GTF2E2: variants seen among roughly 807,000 people sequenced by gnomAD.
GTF2E2 encodes the protein transcription initiation factor IIE subunit beta.
GTF2E2 carries 21 observed loss-of-function variants against 40.5 expected under a neutral mutation model. The ratio of observed to expected loss-of-function variants is 0.52; its 90% CI spans 0.37 to 0.75. The LOEUF (loss-of-function observed/expected upper bound fraction) is 0.75, where lower values mean the gene tolerates loss of function less well. GTF2E2 is among the 30% of genes least tolerant of loss of function. The pLI is 0.00. For synonymous variants in GTF2E2, 117 were observed against 121.6 expected, an observed-to-expected ratio of 0.96 and a Z score of 0.25; for missense variants, 298 against 338.4, an observed-to-expected ratio of 0.88 and a Z score of 0.94.
chr8:30,606,850 T>C (rs1202759644), intron 6 of GTF2E2, among the ~76,000 whole-genome samples: 1 of 152,160 alleles, frequency 6.6e-6, no homozygotes, highest in Non-Finnish European at 1.5e-5. Context: ...TAAGTATAAT[T>C]AACCTAAAAT....
chr8:30,628,787 C>T (rs976033430), intron 3 of GTF2E2, among the ~76,000 whole-genome samples: 3 of 151,918 alleles, frequency 2.0e-5, no homozygotes, highest in African/African-American at 4.8e-5. Flanking sequence ...AAAAATTAGC[C>T]GGGTGTGGTG....
intron 3 of GTF2E2, among the ~76,000 whole-genome samples, chr8:30,619,714 T>A (rs765143720): frequency 6.6e-5 from 10 of 151,726 alleles, no homozygotes; most frequent in Non-Finnish European, 1.3e-4. Flanking sequence ...AAAATGGGAG[T>A]TTACTAGCCA....
chr8:30,651,109 TA>T lies in GTF2E2; in HGVS notation c.166+2323del, dbSNP rs796676546. Among the ~76,000 whole-genome samples, 13 of 151,742 alleles carry T rather than the reference TA, an allele frequency of 8.6e-5. No individual in the cohort carries two copies. In the South Asian group the frequency reaches 2.5e-3, roughly 29 times the overall value. The stretch of plus-strand genomic sequence containing the variant: ...CAAAAACCTGCAGTAATATCATGCG[TA>T]AGAGTGAAAAACCGAATGCTTTGCC... On this transcript the variant is annotated intron_variant, in intron 2 of 7. Transcript: ENST00000355904.
intron 6 of GTF2E2, among the ~76,000 whole-genome samples, chr8:30,587,082 A>G (rs1343453441): frequency 1.3e-5 from 2 of 152,222 alleles, no homozygotes; most frequent in Non-Finnish European, 2.9e-5. Context: ...CTGGGAGAAT[A>G]TATTTGCAAG....
chr8:30,607,870 A>C (rs1437249949), intron 5 of GTF2E2, among the ~76,000 whole-genome samples: 1 of 152,172 alleles, frequency 6.6e-6, no homozygotes, highest in Non-Finnish European at 1.5e-5. Context: ...TAAAACGCTA[A>C]AATAATAAGA....
intron 2 of GTF2E2, among the ~76,000 whole-genome samples, chr8:30,651,994 G>T (rs78371092): frequency 0.058 from 8,857 of 152,240 alleles, 377 homozygotes; most frequent in South Asian, 0.1. Context: ...TTCAAAAAAT[G>T]ATGCTGGGAC....
chr8:30,617,003 G>C (rs1244110827), intron 3 of GTF2E2, among the ~76,000 whole-genome samples: 1 of 152,060 alleles, frequency 6.6e-6, no homozygotes, highest in Non-Finnish European at 1.5e-5. Flanking sequence ...CAAGAGGGGA[G>C]AAAATGAGTA....
chr8:30,624,705 T>C (rs1043337411), intron 3 of GTF2E2, among the ~76,000 whole-genome samples: 3 of 152,040 alleles, frequency 2.0e-5, no homozygotes, highest in African/African-American at 4.8e-5. Flanking sequence ...TGGTTTGTAG[T>C]TCTCCTTGAA....
chr8:30,649,072 T>C (rs187248473), intron 2 of GTF2E2, among the ~76,000 whole-genome samples: 6 of 152,308 alleles, frequency 3.9e-5, no homozygotes, highest in African/African-American at 1.4e-4. Context: ...GCTATGTTAA[T>C]GTTTAAAACA....
chr8:30,594,554 TA>T (rs1191425204), intron 6 of GTF2E2, among the ~76,000 whole-genome samples: 1,330 of 132,880 alleles, frequency 0.01, 7 homozygotes, highest in African/African-American at 0.017. Flanking sequence ...AATGGATCTT[TA>T]AAAAAAAAAA....
intron 5 of GTF2E2, among the ~76,000 whole-genome samples, chr8:30,611,046 G>A (rs908296699): frequency 3.3e-5 from 5 of 152,206 alleles, no homozygotes; most frequent in African/African-American, 9.7e-5. Context: ...CAACATGGAT[G>A]AACCTTGAGA....
intron 6 of GTF2E2, among the ~76,000 whole-genome samples, chr8:30,583,536 C>A (rs1828573464): frequency 6.6e-6 from 1 of 151,970 alleles, no homozygotes; most frequent in Non-Finnish European, 1.5e-5. Flanking sequence ...CATACCACCA[C>A]ACCAGGCTAA....
At chr8:30,612,240 A>G (rs1829495561) in intron 5 of GTF2E2, 59 bp downstream of exon 5, 1 of 1,084,964 alleles carries the variant, frequency 9.2e-7, no homozygotes, top group Non-Finnish European at 1.4e-6. Context: ...TATTTTTAAA[A>G]CCAAGAAGTC....
At chr8:30,621,807 T>G (rs1000212560) in intron 3 of GTF2E2, among the ~76,000 whole-genome samples, 1 of 152,030 alleles carries the variant, frequency 6.6e-6, no homozygotes, top group Non-Finnish European at 1.5e-5. Flanking sequence ...CCAATTTTTA[T>G]GTTACTACTT....
At chr8:30,605,337 G>GT (rs1829290166) in intron 6 of GTF2E2, among the ~76,000 whole-genome samples, 1 of 152,034 alleles carries the variant, frequency 6.6e-6, no homozygotes, top group Admixed American at 6.5e-5. Flanking sequence ...AGAAATGACA[G>GT]TAAGTCACAC....
chr8:30,583,321 G>A (rs543906503), intron 6 of GTF2E2, among the ~76,000 whole-genome samples: 24 of 152,286 alleles, frequency 1.6e-4, no homozygotes, highest in Non-Finnish European at 2.8e-4. Flanking sequence ...GTAACACAGC[G>A]AGACTCCATC....
At chr8:30,606,046 G>A (rs1010530551) in intron 6 of GTF2E2, among the ~76,000 whole-genome samples, 11 of 152,132 alleles carry the variant, frequency 7.2e-5, no homozygotes, top group Non-Finnish European at 1.2e-4. Flanking sequence ...TATAAAAATC[G>A]CCAGGCAGTA....
At chr8:30,628,296 T>A (rs1456892496) in intron 3 of GTF2E2, among the ~76,000 whole-genome samples, 1 of 152,156 alleles carries the variant, frequency 6.6e-6, no homozygotes, top group Admixed American at 6.5e-5. Flanking sequence ...CTGCCTATAC[T>A]ACTGACTTGC....
chr8:30,640,124 A>G (rs991928918), intron 2 of GTF2E2, among the ~76,000 whole-genome samples: 5 of 152,146 alleles, frequency 3.3e-5, no homozygotes, highest in Non-Finnish European at 2.9e-5. Flanking sequence ...ATGGAGGCTC[A>G]TTGCTGTTTC....
Sources: allele counts gnomAD v4.1 joint callset (sites outside exome capture counted in the v4.1 genomes callset), GRCh38; gene constraint gnomAD v4.1.1; transcripts MANE v1.5; gene names NCBI Gene and HGNC (gene_info 2026-07-23, HGNC 2026-07-21).